The following LRRTM4 variants were observed in gnomAD, a reference collection of about 807,000 sequenced individuals.
LRRTM4 encodes leucine rich repeat transmembrane neuronal 4.
A neutral mutation model predicts 47.6 loss-of-function variants in LRRTM4; 25 were observed. The observed-to-expected ratio is 0.53, with a 90% CI of 0.38 to 0.73. The LOEUF is 0.73. LRRTM4 is among the 30% of genes least tolerant of loss of function. The pLI is 0.00. For missense variants in LRRTM4, 638 were observed against 713.4 expected (o/e 0.89, Z 1.20); for synonymous variants, 311 against 269.5 (o/e 1.15, Z -1.51).
intron 3 of LRRTM4, among the ~76,000 whole-genome samples, chr2:77,305,208 AT>A (rs1677239951): frequency 1.3e-5 from 2 of 152,052 alleles, no homozygotes; most frequent in African/African-American, 4.8e-5. Flanking sequence ...AACATCAATT[AT>A]CTAGTTTTCT....
intron 3 of LRRTM4, among the ~76,000 whole-genome samples, chr2:77,502,766 T>C (rs899044400): frequency 2.0e-5 from 3 of 151,224 alleles, no homozygotes; most frequent in Admixed American, 6.6e-5. Flanking sequence ...TCATGTAGAG[T>C]ATTAGATGGG....
intron 3 of LRRTM4, among the ~76,000 whole-genome samples, chr2:76,868,748 A>G (rs1672535963): frequency 6.6e-6 from 1 of 152,186 alleles, no homozygotes; most frequent in Non-Finnish European, 1.5e-5. Flanking sequence ...AGAAGCATCA[A>G]AAAACTTAAA....
chr2:76,912,746 T>G (rs928499763), intron 3 of LRRTM4, among the ~76,000 whole-genome samples: 2 of 152,152 alleles, frequency 1.3e-5, no homozygotes, highest in African/African-American at 4.8e-5. Flanking sequence ...CTCCCCTTAG[T>G]GCTGTCCTCG....
chr2:76,781,951 G>C (rs1284086892), intron 3 of LRRTM4, among the ~76,000 whole-genome samples: 1 of 151,986 alleles, frequency 6.6e-6, no homozygotes, highest in Non-Finnish European at 1.5e-5. Context: ...ATATTATCTT[G>C]ACATTTTTTT....
chr2:77,350,048 C>A (rs1440828301), intron 3 of LRRTM4, among the ~76,000 whole-genome samples: 3 of 151,856 alleles, frequency 2.0e-5, no homozygotes, highest in Non-Finnish European at 4.4e-5. Context: ...GCTGGCCGGG[C>A]GCGGTGGCTC....
chr2:77,212,993 T>A (rs1395586673), intron 3 of LRRTM4, among the ~76,000 whole-genome samples: 1 of 152,104 alleles, frequency 6.6e-6, no homozygotes, highest in Admixed American at 6.6e-5. Flanking sequence ...GACTATATAC[T>A]CTTTGAAGAT....
intron 3 of LRRTM4, among the ~76,000 whole-genome samples, chr2:77,392,509 C>A (rs1305639354): frequency 6.6e-6 from 1 of 151,992 alleles, no homozygotes; most frequent in Non-Finnish European, 1.5e-5. Flanking sequence ...TATATATACA[C>A]AATGGAATAT....
At chr2:77,157,017 T>A (rs1391878803) in intron 3 of LRRTM4, among the ~76,000 whole-genome samples, 1 of 152,142 alleles carries the variant, frequency 6.6e-6, no homozygotes, top group Non-Finnish European at 1.5e-5. Flanking sequence ...CAAACAGTAA[T>A]AACAATTGTT....
At chr2:77,445,643 A>G (rs988480025) in intron 3 of LRRTM4, among the ~76,000 whole-genome samples, 1 of 152,086 alleles carries the variant, frequency 6.6e-6, no homozygotes, top group Admixed American at 6.6e-5. Context: ...ATATCAATGT[A>G]CATTTTCACA....
At chr2:77,070,867 G>A (rs530175191) in intron 3 of LRRTM4, among the ~76,000 whole-genome samples, 2 of 152,196 alleles carry the variant, frequency 1.3e-5, no homozygotes, top group South Asian at 2.1e-4. Context: ...CTGACCTCAG[G>A]TGACCCTCCC....
intron 3 of LRRTM4, among the ~76,000 whole-genome samples, chr2:76,766,277 A>C (rs1517780): frequency 0.36 from 54,052 of 152,024 alleles, 10,799 homozygotes; most frequent in East Asian, 0.55. Flanking sequence ...CATTTAACAT[A>C]CAATTGAAAT....
intron 3 of LRRTM4, among the ~76,000 whole-genome samples, chr2:77,253,159 T>C (rs1221383190): frequency 1.3e-5 from 2 of 152,168 alleles, no homozygotes; most frequent in Admixed American, 6.6e-5. Flanking sequence ...ATATAAAACA[T>C]GGCTATTAGT....
At position 76,783,682 on chromosome 2, in the gene LRRTM4, A is replaced by G. The variant is rs750975882; in HGVS notation, c.1552-34766T>C. Among the ~76,000 whole-genome samples the G allele has an allele frequency of 7.0e-4, 106 of 152,338 alleles. 1 individual carries two copies. The highest frequency in any genetic ancestry group is 1.2e-3 in the Non-Finnish European group (85 of 68,022). On this transcript the variant is annotated intron_variant, in intron 3 of 3. Transcript: ENST00000409884. ...TTAAAACTAATTCCGGGTAAAACTC[A>G]GGTTACTGAATTTATGAATTTCACA...
At chr2:77,071,128 CTT>C (rs1236888347) in intron 3 of LRRTM4, among the ~76,000 whole-genome samples, 1 of 152,002 alleles carries the variant, frequency 6.6e-6, no homozygotes, top group Non-Finnish European at 1.5e-5. Context: ...TCACAGAAAA[CTT>C]TGAAATACAC....
intron 3 of LRRTM4, among the ~76,000 whole-genome samples, chr2:77,471,994 G>A (rs563819241): frequency 6.6e-6 from 1 of 152,252 alleles, no homozygotes; most frequent in African/African-American, 2.4e-5. Context: ...ATAGAGCTGT[G>A]AAAAATTTGT....
chr2:77,375,557 T>C (rs1267889595), intron 3 of LRRTM4, among the ~76,000 whole-genome samples: 1 of 151,836 alleles, frequency 6.6e-6, no homozygotes. Context: ...TCATCTTGTA[T>C]AACTGAAAAT....
At chr2:77,084,400 G>A (rs147961377) in intron 3 of LRRTM4, among the ~76,000 whole-genome samples, 46 of 152,186 alleles carry the variant, frequency 3.0e-4, no homozygotes, top group South Asian at 2.5e-3. Flanking sequence ...ATTTTATAGC[G>A]GCCTTCAGAA....
At chr2:76,895,783 T>A (rs1035213934) in intron 3 of LRRTM4, among the ~76,000 whole-genome samples, 1 of 145,928 alleles carries the variant, frequency 6.9e-6, no homozygotes, top group Non-Finnish European at 1.5e-5. Context: ...TTATAAAAAA[T>A]TAAGAAAATG....
chr2:77,116,007 A>G (rs1381905896), intron 3 of LRRTM4, among the ~76,000 whole-genome samples: 2 of 152,102 alleles, frequency 1.3e-5, no homozygotes, highest in African/African-American at 4.8e-5. Context: ...TTGACTAGGT[A>G]TGTCCTCCCT....
Sources: allele counts gnomAD v4.1 joint callset (sites outside exome capture counted in the v4.1 genomes callset), GRCh38; gene constraint gnomAD v4.1.1; transcripts MANE v1.5; gene names NCBI Gene and HGNC (gene_info 2026-07-23, HGNC 2026-07-21).